JAK2: variants seen among roughly 807,000 people sequenced by gnomAD.
JAK2 encodes Janus kinase 2.
Under a neutral mutation model 139.3 loss-of-function variants are expected in JAK2, and 86 were observed. That is an observed-to-expected ratio of 0.62 (90% CI 0.52 to 0.74). JAK2 has a LOEUF of 0.74. Ranked by LOEUF, JAK2 falls within the 30% of genes least tolerant of loss-of-function variation. The pLI is 0.00. For synonymous variants in JAK2, 490 were observed against 437.7 expected, an observed-to-expected ratio of 1.12 and a Z score of -1.49; for missense variants, 1,421 against 1,360.3, an observed-to-expected ratio of 1.04 and a Z score of -0.70.
rs1217896506 is a variant in JAK2 at position 5,021,686 on chromosome 9, G to A, written c.-25-277G>A. Among the ~76,000 whole-genome samples the A allele has an allele frequency of 3.3e-5, 5 of 152,090 alleles. No homozygotes were observed. The East Asian group carries it at 9.6e-4, about 29-fold the overall frequency. On this transcript the variant is annotated intron_variant, in intron 2 of 24. Coordinates refer to ENST00000381652, the MANE Select transcript of JAK2 (RefSeq NM_004972.4). Reference sequence around the variant, plus strand: ...GTGTCACCCAGACTGGAGTGCGGTGGAGTGCGGAGGTTTGCTGCAGCCTCA... The same window carrying A: ...GTGTCACCCAGACTGGAGTGCGGTGAAGTGCGGAGGTTTGCTGCAGCCTCA...
chr9:5,042,683 G>T (rs1033489022), intron 4 of JAK2, among the ~76,000 whole-genome samples: 2 of 152,178 alleles, frequency 1.3e-5, no homozygotes, highest in African/African-American at 4.8e-5. Context: ...GGGAGGGCAG[G>T]CCTGGCCTGG....
chr9:5,032,034 A>T (rs1203692706), intron 4 of JAK2, among the ~76,000 whole-genome samples: 2 of 152,208 alleles, frequency 1.3e-5, no homozygotes, highest in East Asian at 3.9e-4. Flanking sequence ...GACAGACGGC[A>T]CCTGGAAAAT....
At chr9:4,987,993 GTCTTAAAC>G (rs919289969) in intron 2 of JAK2, among the ~76,000 whole-genome samples, 25 of 152,272 alleles carry the variant, frequency 1.6e-4, no homozygotes, top group Middle Eastern at 3.4e-3. Flanking sequence ...GGACTTCAAG[GTCTTAAAC>G]TGGTGAGGGA....
Position 5,102,378 on chromosome 9 carries a change from A to C in JAK2, c.3059+11467A>C, listed in dbSNP as rs566333481. Among the ~76,000 whole-genome samples the C allele has an allele frequency of 2.9e-3, 446 of 152,322 alleles. 4 individuals are homozygous for C. The highest frequency in any genetic ancestry group is 9.3e-3 in the African/African-American group (387 of 41,570). ...AAGCAACAAGATAAAGCCTACAAGA[A>C]ATACAGGACTATGTGAAAAGACCAA... On this transcript the variant is annotated intron_variant, in intron 22 of 24. Transcript: ENST00000381652.
intron 19 of JAK2, among the ~76,000 whole-genome samples, chr9:5,088,509 G>C (rs1820304053): frequency 6.7e-6 from 1 of 150,104 alleles, no homozygotes; most frequent in South Asian, 2.1e-4. Flanking sequence ...ATGAGTTTTA[G>C]GTAAAAAGAG....
chr9:5,096,529 G>C (rs1474258730), intron 22 of JAK2: 1 of 152,122 alleles, frequency 6.6e-6, no homozygotes, highest in Non-Finnish European at 1.5e-5. Flanking sequence ...AGAAGCCCTG[G>C]CAGCATTGAA....
chr9:5,114,596 G>A (rs192709455), intron 22 of JAK2: 119 of 491,392 alleles, frequency 2.4e-4, no homozygotes, highest in Non-Finnish European at 3.9e-4. Flanking sequence ...TCTTGGTGCA[G>A]TGGCTGTACA....
intron 22 of JAK2, among the ~76,000 whole-genome samples, chr9:5,091,839 T>G (rs796285632): frequency 5.3e-5 from 8 of 152,236 alleles, no homozygotes; most frequent in African/African-American, 1.9e-4. Context: ...ATGGGTACTT[T>G]AAGGTTGTTA....
intron 9 of JAK2, among the ~76,000 whole-genome samples, chr9:5,065,344 T>C (rs989902340): frequency 6.6e-6 from 1 of 152,240 alleles, no homozygotes; most frequent in Non-Finnish European, 1.5e-5. Context: ...GTTTTATTAA[T>C]TTTAAAATAC....
chr9:5,112,102 GA>G, intron 22 of JAK2: 1 of 350,030 alleles, frequency 2.9e-6, no homozygotes, highest in South Asian at 2.2e-5. Context: ...CTACCTGAAC[GA>G]GGGCATCCAC....
At chr9:5,044,355 G>A in intron 4 of JAK2, 48 bp from the exon 5 acceptor site, 1 of 1,159,814 alleles carries the variant, frequency 8.6e-7, no homozygotes, top group East Asian at 2.3e-5. Context: ...TAGTACGTTT[G>A]TATTTGAACT....
intron 4 of JAK2, chr9:5,041,028 C>G (rs191248647): frequency 1.3e-5 from 9 of 669,562 alleles, no homozygotes; most frequent in Admixed American, 4.2e-5. Flanking sequence ...ACCTGGGTAC[C>G]GGTTCTACAA....
chr9:5,101,813 A>C (rs577237453), intron 22 of JAK2, among the ~76,000 whole-genome samples: 1 of 152,318 alleles, frequency 6.6e-6, no homozygotes, highest in East Asian at 1.9e-4. Flanking sequence ...GAGGGACCTG[A>C]CTGTTAGAAA....
At chr9:5,067,581 A>C (rs531610961) in intron 10 of JAK2, among the ~76,000 whole-genome samples, 1 of 152,046 alleles carries the variant, frequency 6.6e-6, no homozygotes, top group Non-Finnish European at 1.5e-5. Context: ...AAAACTGGTA[A>C]TCTATCCTAA....
chr9:5,024,187 C>T (rs753892439), intron 3 of JAK2, among the ~76,000 whole-genome samples: 31 of 152,080 alleles, frequency 2.0e-4, no homozygotes, highest in Non-Finnish European at 4.0e-4. Context: ...ACCCAGGAGG[C>T]GGAGCTTGCA....
In JAK2 at chr9:5,085,774, T is replaced by C. The variant is rs976625337; in HGVS notation, c.2572-3900T>C. 5 of 754,288 alleles carry C rather than the reference T, an allele frequency of 6.6e-6. No individual in the cohort carries two copies. The East Asian group carries it at 1.2e-4, about 19-fold the overall frequency. 46.7% of individuals were successfully genotyped at this position (754,288 alleles called of 1,614,324 possible). A position where few individuals can be genotyped will look rare whatever the true frequency, so the allele number is the denominator to read the frequency against. On this transcript the variant is annotated intron_variant, in intron 19 of 24. Transcript: ENST00000381652. ...CTAGCTTGCACATGTCGGGAGTTATTATGATGAATATTACATGCTCGGGCC... is the reference window on the plus strand; with the variant it reads ...CTAGCTTGCACATGTCGGGAGTTATCATGATGAATATTACATGCTCGGGCC...
chr9:4,992,267 G>A (rs1820299227), intron 2 of JAK2, among the ~76,000 whole-genome samples: 1 of 152,174 alleles, frequency 6.6e-6, no homozygotes, highest in Non-Finnish European at 1.5e-5. Context: ...TGGCTTCAGG[G>A]TGGTCACCTT....
intron 8 of JAK2, among the ~76,000 whole-genome samples, chr9:5,064,089 G>A (rs1466884090): frequency 1.3e-5 from 2 of 152,236 alleles, no homozygotes; most frequent in African/African-American, 2.4e-5. Flanking sequence ...CCAGGAGGCA[G>A]AAGTTGCAGT....
chr9:5,001,490 G>C (rs1314647343), intron 2 of JAK2, among the ~76,000 whole-genome samples: 1 of 152,084 alleles, frequency 6.6e-6, no homozygotes, highest in Non-Finnish European at 1.5e-5. Flanking sequence ...AAATTGCATT[G>C]ATTCATTTTC....
Sources: gnomAD v4.1 joint callset for allele counts (sites outside exome capture counted in the v4.1 genomes callset) on GRCh38, gnomAD v4.1.1 for gene constraint, MANE v1.5 for transcripts, NCBI Gene and HGNC (gene_info 2026-07-23, HGNC 2026-07-21) for gene names.